RELN: variants seen among roughly 807,000 people sequenced by gnomAD.
RELN encodes reelin.
In RELN, 108 loss-of-function variants were observed where a neutral mutation model predicts 427.6. The observed-to-expected ratio is 0.25, with a 90% confidence interval of 0.22 to 0.30. The LOEUF (loss-of-function observed/expected upper bound fraction) is 0.30. Ranked by LOEUF, RELN falls within the 10% of genes least tolerant of loss-of-function variation. The probability of loss-of-function intolerance (pLI) is 1.00; values close to 1 mark genes in which losing one functional copy is unlikely to be tolerated. For synonymous variants in RELN, 1,524 were observed against 1,513.4 expected (o/e 1.01, Z -0.16); for missense variants, 3,715 against 4,302.8 (o/e 0.86, Z 3.82).
chr7:103,761,511 T>C (rs1791297561), intron 4 of RELN, among the ~76,000 whole-genome samples: 1 of 152,170 alleles, frequency 6.6e-6, no homozygotes, highest in African/African-American at 2.4e-5. Flanking sequence ...TAGAGTGCAG[T>C]GGTGCATCTT....
rs931264826 is a variant in RELN at position 103,576,240 on chromosome 7, A to T, written c.4146-535T>A. Among the ~76,000 whole-genome samples the T allele has an allele frequency of 3.9e-4, 59 of 152,188 alleles. 1 individual carries two copies. The highest frequency in any genetic ancestry group is 1.4e-3 in the African/African-American group (58 of 41,434). ...ACAGGGCGAGACTCCGTCTCAAAAA[A>T]AAAATTCTCGTGCTTCAGCCTCCCG... On this transcript the variant is annotated intron_variant, in intron 28 of 64. Transcript: ENST00000428762.
Position 103,611,776 on chromosome 7 carries a change from T to A in RELN, c.2730A>T (p.Ser910=), listed in dbSNP as rs913959839. The A allele has an allele frequency of 3.1e-6, 5 of 1,613,760 alleles. No individual in the cohort carries two copies. The African/African-American group carries it at 5.3e-5, about 17-fold the overall frequency. Residue 910 remains serine (S), a synonymous_variant, in exon 21 of 65, where the codon TCA becomes TCT. Transcript: ENST00000428762. ...LCFTGDSKLA[S]SMRYVETQSM... is the part of the protein sequence containing the mutation. ...ATTGTGTTTCCACATAGCGCATACT[T>A]GAGGCAAGTTTAGAATCTCCTGTAA... is the stretch of plus-strand genomic sequence containing the variant.
chr7:103,738,960 C>T lies in RELN; in HGVS notation c.656+10466G>A, dbSNP rs141485785. Among the ~76,000 whole-genome samples, 122 of 152,144 alleles carry T rather than the reference C, an allele frequency of 8.0e-4. No individual in the cohort carries two copies. The South Asian group carries it at 0.012, about 15-fold the overall frequency. ...CCTCCTAAAGTGTTCAGATTACAGG[C>T]GTGAGCCATTGTGCCTGGCCTGGCA... On this transcript the variant is annotated intron_variant, in intron 6 of 64. Transcript: ENST00000428762.
At chr7:103,812,072 C>T (rs1309249304) in intron 3 of RELN, among the ~76,000 whole-genome samples, 4 of 152,160 alleles carry the variant, frequency 2.6e-5, no homozygotes, top group Non-Finnish European at 5.9e-5. Context: ...ACTTTGTTTT[C>T]TTATGTGGAT....
At chr7:103,601,107 T>C (rs1232134326) in intron 24 of RELN, among the ~76,000 whole-genome samples, 2 of 136,840 alleles carry the variant, frequency 1.5e-5, no homozygotes, top group African/African-American at 5.4e-5. Context: ...ACCCTTTACA[T>C]GTTAAAATGT....
At chr7:103,547,516 C>T (rs1219182217) in intron 41 of RELN, among the ~76,000 whole-genome samples, 2 of 152,174 alleles carry the variant, frequency 1.3e-5, no homozygotes, top group African/African-American at 4.8e-5. Flanking sequence ...AGGCTGCTCT[C>T]AAAGTCCTGA....
intron 5 of RELN, among the ~76,000 whole-genome samples, chr7:103,751,114 G>T (rs1479505133): frequency 6.6e-6 from 1 of 152,098 alleles, no homozygotes; most frequent in Non-Finnish European, 1.5e-5. Context: ...TCTGATTCAT[G>T]GTTTGCTTAG....
chr7:103,751,276 T>G (rs1177955428), intron 5 of RELN, among the ~76,000 whole-genome samples: 1 of 152,236 alleles, frequency 6.6e-6, no homozygotes. Context: ...TTATGTTTTT[T>G]AGGCTCACTC....
intron 46 of RELN, among the ~76,000 whole-genome samples, chr7:103,526,893 G>A (rs910503922): frequency 2.6e-5 from 4 of 151,934 alleles, no homozygotes; most frequent in African/African-American, 9.7e-5. Context: ...GCTACTTCCC[G>A]GAGTTGGGGG....
intron 14 of RELN, among the ~76,000 whole-genome samples, chr7:103,652,278 T>A (rs755105505): frequency 1.3e-5 from 2 of 150,764 alleles, no homozygotes; most frequent in Non-Finnish European, 3.0e-5. Flanking sequence ...CTCTTAGCAA[T>A]CTGTTGTAAT....
rs1361189392 is a variant in RELN, at chr7:103,833,607, G to A, written c.403C>T (p.His135Tyr). 1 of 1,613,482 alleles carries A rather than the reference G, an allele frequency of 6.2e-7. No individual in the cohort carries two copies. The highest frequency in any genetic ancestry group is 1.3e-5 in the African/African-American group (1 of 74,924). The change falls in exon 3 of 65, where the codon CAC becomes TAC. Residue 135 changes from histidine to tyrosine, a missense_variant. This residue lies in a region of RELN where 2,208 missense variants were observed against 2,361.7 expected (regional missense o/e 0.93). Coordinates refer to ENST00000428762, the MANE Select transcript of RELN (RefSeq NM_005045.4). ...AAACTGAGGTTGGTTGTGGGCAGGTGACTCACGTGAGAGGCTACCACACTG... is the reference window on the plus strand; with the variant it reads ...AAACTGAGGTTGGTTGTGGGCAGGTAACTCACGTGAGAGGCTACCACACTG... ...MCSVVASHVSHLPTTNLSFIW... is the reference protein window; with the variant it reads ...MCSVVASHVSYLPTTNLSFIW...
intron 3 of RELN, among the ~76,000 whole-genome samples, chr7:103,805,304 G>T (rs1199068166): frequency 6.6e-6 from 1 of 152,172 alleles, no homozygotes; most frequent in East Asian, 1.9e-4. Flanking sequence ...CAAAATACAT[G>T]TAGAGAATTA....
chr7:103,787,010 A>G (rs1277404906), intron 3 of RELN, among the ~76,000 whole-genome samples: 1 of 152,210 alleles, frequency 6.6e-6, no homozygotes, highest in Non-Finnish European at 1.5e-5. Context: ...CTCAGACCAT[A>G]GTGCCATCAA....
intron 3 of RELN, among the ~76,000 whole-genome samples, chr7:103,810,804 C>T (rs1792723491): frequency 6.6e-6 from 1 of 152,312 alleles, no homozygotes; most frequent in Middle Eastern, 3.4e-3. Context: ...GGAGAGTTAA[C>T]TTTCTCTCCC....
intron 9 of RELN, 67 bp downstream of exon 9, chr7:103,700,843 A>G: frequency 1.1e-6 from 1 of 941,140 alleles, no homozygotes. Context: ...GGTGGATTGA[A>G]GGCATATAGG....
At chr7:103,827,208 A>G (rs2116390201) in intron 3 of RELN, among the ~76,000 whole-genome samples, 1 of 152,106 alleles carries the variant, frequency 6.6e-6, no homozygotes, top group East Asian at 1.9e-4. Context: ...TTCCCATGTT[A>G]GTAAAGCAGT....
intron 2 of RELN, among the ~76,000 whole-genome samples, chr7:103,902,338 T>C (rs1053199245): frequency 1.3e-5 from 2 of 152,096 alleles, no homozygotes; most frequent in African/African-American, 4.8e-5. Context: ...CAAATAATTA[T>C]CTTTAAAAGA....
intron 6 of RELN, among the ~76,000 whole-genome samples, chr7:103,739,062 C>T (rs1262510255): frequency 6.6e-6 from 1 of 152,014 alleles, no homozygotes; most frequent in Non-Finnish European, 1.5e-5. Context: ...TCTTTATTGC[C>T]GAATGTTAAT....
chr7:103,983,342 A>C (rs1184506944), intron 1 of RELN, among the ~76,000 whole-genome samples: 1 of 152,238 alleles, frequency 6.6e-6, no homozygotes, highest in Non-Finnish European at 1.5e-5. Flanking sequence ...AACCCTTCAG[A>C]AGCTCTGCCT....
Sources: allele counts gnomAD v4.1 joint callset (sites outside exome capture counted in the v4.1 genomes callset), GRCh38; gene constraint gnomAD v4.1.1; regional missense constraint gnomAD v4.1.1; transcripts MANE v1.5; gene names NCBI Gene and HGNC (gene_info 2026-07-23, HGNC 2026-07-21).